Variants in MORC1 observed in about 807,000 individuals in gnomAD.
MORC1 encodes the protein MORC family CW-type zinc finger 1, also known as MORC family CW-type zinc finger protein 1.
MORC1 carries 59 observed loss-of-function variants against 134.9 expected under a neutral mutation model. The observed-to-expected ratio is 0.44, with a 90% CI of 0.35 to 0.54. The LOEUF (loss-of-function observed/expected upper bound fraction) is 0.54, where lower values mean the gene tolerates loss of function less well. Ranked by LOEUF, MORC1 falls within the 20% of genes least tolerant of loss-of-function variation. MORC1 has a pLI of 0.00. For synonymous variants in MORC1, 395 were observed against 391.7 expected, an observed-to-expected ratio of 1.01 and a Z score of -0.10; for missense variants, 947 against 1,134.5, an observed-to-expected ratio of 0.83 and a Z score of 2.37.
At chr3:109,094,137 A>G (rs1950783302) in intron 7 of MORC1, among the ~76,000 whole-genome samples, 1 of 152,190 alleles carries the variant, frequency 6.6e-6, no homozygotes, top group Non-Finnish European at 1.5e-5. Context: ...GTTGCGTTCC[A>G]ATAAATCTTT....
chr3:108,981,988 A>C (rs1057033727), intron 23 of MORC1, among the ~76,000 whole-genome samples: 9 of 152,206 alleles, frequency 5.9e-5, no homozygotes, highest in Non-Finnish European at 1.3e-4. Flanking sequence ...AATGGGAGAA[A>C]ATTTTTGCAA....
At chr3:108,960,360 G>C (rs2107341198) in intron 27 of MORC1, among the ~76,000 whole-genome samples, 1 of 152,248 alleles carries the variant, frequency 6.6e-6, no homozygotes, top group East Asian at 1.9e-4. Context: ...GCTTTCAATG[G>C]AGATTTTAGA....
chr3:109,014,268 T>A (rs1347906488), intron 17 of MORC1, among the ~76,000 whole-genome samples: 1 of 152,254 alleles, frequency 6.6e-6, no homozygotes, highest in East Asian at 1.9e-4. Flanking sequence ...TGTTGACATG[T>A]GGATCTCTTT....
intron 11 of MORC1, among the ~76,000 whole-genome samples, chr3:109,060,268 A>AC (rs386397572): frequency 6.6e-6 from 1 of 151,946 alleles, no homozygotes; most frequent in Non-Finnish European, 1.5e-5. Flanking sequence ...GCAGGAAAAA[A>AC]AAAAAAGATA....
At chr3:109,111,277 C>T (rs543139768) in intron 2 of MORC1, among the ~76,000 whole-genome samples, 2 of 152,228 alleles carry the variant, frequency 1.3e-5, no homozygotes, top group African/African-American at 4.8e-5. Flanking sequence ...ACCAAAATGG[C>T]CCATCAACTG....
intron 17 of MORC1, among the ~76,000 whole-genome samples, chr3:109,023,719 A>G (rs1949011701): frequency 1.3e-5 from 2 of 152,342 alleles, no homozygotes; most frequent in African/African-American, 4.8e-5. Context: ...GTCCTGAAAT[A>G]CAGAGAAATT....
rs144472125 is a variant in MORC1, at chr3:109,005,899, G to A, written c.1768-584C>T. 4.4e-4 allele frequency among the ~76,000 whole-genome samples: 67 copies of A among 152,100 alleles called. 2 individuals carry two copies. The East Asian group carries it at 7.4e-3, about 17-fold the overall frequency. On this transcript the variant is annotated intron_variant, in intron 18 of 27. Transcript: ENST00000232603. Reference sequence around the variant, plus strand: ...GTCCACTAGTCAAGTAACCCTCTCCGCAACAGTGCTGAGGGCTCAACGAAA... The same window carrying A: ...GTCCACTAGTCAAGTAACCCTCTCCACAACAGTGCTGAGGGCTCAACGAAA...
At chr3:109,062,695 T>C (rs1051581958) in intron 10 of MORC1, among the ~76,000 whole-genome samples, 2 of 152,142 alleles carry the variant, frequency 1.3e-5, no homozygotes, top group African/African-American at 2.4e-5. Context: ...TTAAAGCGGA[T>C]GCAGTGCAGG....
At chr3:109,000,225 T>A (rs956887626) in intron 21 of MORC1, among the ~76,000 whole-genome samples, 1 of 152,186 alleles carries the variant, frequency 6.6e-6, no homozygotes, top group Non-Finnish European at 1.5e-5. Flanking sequence ...TTCTTCGGAT[T>A]TGGGAATGAG....
chr3:109,018,739 TATC>T (rs1948883702), intron 17 of MORC1, among the ~76,000 whole-genome samples: 2 of 152,204 alleles, frequency 1.3e-5, no homozygotes, highest in South Asian at 4.1e-4. Context: ...GCTCCAGAAA[TATC>T]ATGTTTATAT....
At chr3:108,990,118 C>T (rs943077431) in intron 21 of MORC1, among the ~76,000 whole-genome samples, 4 of 152,268 alleles carry the variant, frequency 2.6e-5, no homozygotes, top group East Asian at 1.9e-4. Context: ...CGATTGGAGG[C>T]CTCCCCAGCC....
At chr3:109,037,436 ATG>A (rs899574030) in intron 14 of MORC1, among the ~76,000 whole-genome samples, 11 of 151,806 alleles carry the variant, frequency 7.2e-5, no homozygotes, top group Admixed American at 7.2e-4. Flanking sequence ...ATTTCTTTCT[ATG>A]TGTTTGTGTG....
chr3:108,987,667 A>G (rs777213603), intron 21 of MORC1, among the ~76,000 whole-genome samples: 19 of 151,868 alleles, frequency 1.3e-4, no homozygotes, highest in Non-Finnish European at 2.6e-4. Flanking sequence ...GGTGGAATGT[A>G]CCATTAATAA....
intron 25 of MORC1, among the ~76,000 whole-genome samples, chr3:108,970,595 T>C (rs984705788): frequency 1.3e-5 from 2 of 152,214 alleles, no homozygotes; most frequent in Non-Finnish European, 2.9e-5. Flanking sequence ...GTTGCATTCA[T>C]AATTTGTGCT....
chr3:108,959,830 T>C (rs949610172), intron 27 of MORC1, among the ~76,000 whole-genome samples: 1 of 152,232 alleles, frequency 6.6e-6, no homozygotes, highest in African/African-American at 2.4e-5. Context: ...AAGGATAAGA[T>C]ATCAGTTTGA....
chr3:109,035,463 T>A lies in MORC1; in HGVS notation c.1336A>T (p.Arg446Ter). Residue 446 changes from arginine (R) to a stop codon, truncating the protein, a stop_gained, in exon 15 of 28, where the codon AGA (arginine) becomes TGA (stop). Coordinates refer to ENST00000232603, the MANE Select transcript of MORC1 (RefSeq NM_014429.4). LOFTEE classifies it high-confidence loss of function. ...TCATTGCAAAACAATGTTAAATTTCTATTATCTTTTAAAAAAAAAAGCAGG... is the reference window on the plus strand; with the variant it reads ...TCATTGCAAAACAATGTTAAATTTCAATTATCTTTTAAAAAAAAAAGCAGG... ...QYCKDTGINN[R>*]NLTLFCNEFG... 7.4e-7 allele frequency: 1 copy of A among 1,351,216 alleles called. No homozygotes were observed. Among genetic ancestry groups the A allele is most frequent in the Non-Finnish European group, 9.7e-7 (1 of 1,029,638 alleles). The allele number at this position is 1,351,216 out of a possible 1,614,324, so 83.7% of individuals were successfully genotyped here.
At chr3:109,050,438 G>A (rs1014155991) in intron 14 of MORC1, among the ~76,000 whole-genome samples, 15 of 152,088 alleles carry the variant, frequency 9.9e-5, no homozygotes, top group African/African-American at 2.7e-4. Flanking sequence ...AGGGGATAAG[G>A]GGTCTCTCTT....
intron 22 of MORC1, among the ~76,000 whole-genome samples, chr3:108,985,179 G>A (rs1351621692): frequency 2.0e-5 from 3 of 152,248 alleles, no homozygotes; most frequent in African/African-American, 4.8e-5. Flanking sequence ...GACAGATCCC[G>A]ATGAAAAATG....
intron 14 of MORC1, among the ~76,000 whole-genome samples, chr3:109,035,842 T>C (rs1191883503): frequency 6.6e-6 from 1 of 152,188 alleles, no homozygotes; most frequent in African/African-American, 2.4e-5. Context: ...AGGGCACTCT[T>C]AAAATTATTG....
Sources: allele counts gnomAD v4.1 joint callset (sites outside exome capture counted in the v4.1 genomes callset), GRCh38; gene constraint gnomAD v4.1.1; transcripts MANE v1.5; gene names NCBI Gene and HGNC (gene_info 2026-07-23, HGNC 2026-07-21).